The following KCNG3 variants were observed in gnomAD, a reference collection of about 807,000 sequenced individuals.
KCNG3 encodes potassium voltage-gated channel modifier subfamily G member 3.
KCNG3 carries 15 observed loss-of-function variants against 29.0 expected under a neutral mutation model. That is an observed-to-expected ratio of 0.52 (90% confidence interval 0.35 to 0.80). The LOEUF is 0.80. Ranked by LOEUF, KCNG3 falls within the 30% of genes least tolerant of loss-of-function variation. The pLI is 0.01. For synonymous variants in KCNG3, 322 were observed against 248.9 expected (o/e 1.29, Z -2.76); for missense variants, 512 against 605.7 (o/e 0.85, Z 1.62).
chr2:42,461,467 G>C (rs1558379812), intron 1 of KCNG3, among the ~76,000 whole-genome samples: 1 of 152,026 alleles, frequency 6.6e-6, no homozygotes, highest in Admixed American at 6.6e-5. Flanking sequence ...GTTTTCAGAA[G>C]ACTACCATGC....
chr2:42,485,294 C>T (rs1057005966), intron 1 of KCNG3, among the ~76,000 whole-genome samples: 9 of 151,996 alleles, frequency 5.9e-5, no homozygotes, highest in African/African-American at 2.2e-4. Flanking sequence ...ACTTTGCCTG[C>T]TAAAGAGATT....
At chr2:42,473,804 A>G (rs1673353565) in intron 1 of KCNG3, among the ~76,000 whole-genome samples, 1 of 152,220 alleles carries the variant, frequency 6.6e-6, no homozygotes, top group East Asian at 1.9e-4. Flanking sequence ...ATATTAGAAA[A>G]AAAAAATCTT....
chr2:42,404,532 C>T, the KCNG3 span, among the ~76,000 whole-genome samples: 1 of 152,144 alleles, frequency 6.6e-6, no homozygotes, highest in Admixed American at 6.6e-5. Flanking sequence ...GGTTTGAGAC[C>T]AGCCTGGGCA....
the KCNG3 span, among the ~76,000 whole-genome samples, chr2:42,395,313 G>A: frequency 6.6e-6 from 1 of 152,152 alleles, no homozygotes; most frequent in Non-Finnish European, 1.5e-5. Context: ...AAAACACACA[G>A]CACTCCCTTT....
the KCNG3 span, among the ~76,000 whole-genome samples, chr2:42,427,712 CATAA>C: frequency 6.6e-6 from 1 of 152,046 alleles, no homozygotes; most frequent in Non-Finnish European, 1.5e-5. Context: ...TTTATCTTTA[CATAA>C]ATAATTTAAA....
At chr2:42,463,576 A>T (rs1673070449) in intron 1 of KCNG3, 1 of 172,210 alleles carries the variant, frequency 5.8e-6, no homozygotes, top group Non-Finnish European at 1.2e-5. Flanking sequence ...CTCATAACCC[A>T]GCACCAGGGC....
the KCNG3 span, among the ~76,000 whole-genome samples, chr2:42,390,413 T>C: frequency 1.3e-5 from 2 of 152,320 alleles, no homozygotes; most frequent in South Asian, 4.1e-4. Context: ...ATTGGCTTCA[T>C]TTTCCGTAGC....
intron 1 of KCNG3, among the ~76,000 whole-genome samples, chr2:42,454,093 C>CAAAAAAAAA (rs11322972): frequency 7.4e-6 from 1 of 134,938 alleles, no homozygotes; most frequent in Non-Finnish European, 1.6e-5. Context: ...GCTACTATAC[C>CAAAAAAAAA]AAAAAAAAAA....
chr2:42,400,040 T>C, the KCNG3 span, among the ~76,000 whole-genome samples: 1 of 152,046 alleles, frequency 6.6e-6, no homozygotes, highest in African/African-American at 2.4e-5. Flanking sequence ...GCCTGGAAGG[T>C]CGCGGCTGCA....
At chr2:42,416,026 C>T in the KCNG3 span, among the ~76,000 whole-genome samples, 1 of 151,960 alleles carries the variant, frequency 6.6e-6, no homozygotes, top group Non-Finnish European at 1.5e-5. Context: ...GAAACTCCAT[C>T]TCCACTAAAA....
At position 42,444,711 on chromosome 2, in the gene KCNG3, C is replaced by T. The variant is rs534706974; in HGVS notation, c.666-132G>A. ...TCCAGAAAACATAAAGAACAGACAA[C>T]ATTAGCAACATCATCAGACCACCAG... On this transcript the variant is annotated intron_variant, in intron 1 of 1. Coordinates refer to ENST00000306078, the MANE Select transcript of KCNG3 (RefSeq NM_133329.6). The surrounding 1 kb of genome is among the most constrained non-coding windows in gnomAD (Gnocchi z 5.8). 5.3e-6 allele frequency: 4 copies of T among 760,038 alleles called. No homozygotes were observed. Among genetic ancestry groups the T allele is most frequent in the South Asian group, 3.8e-5 (2 of 52,384 alleles). 47.1% of individuals were successfully genotyped at this position (760,038 alleles called of 1,614,324 possible).
At chr2:42,457,595 C>G (rs1378065605) in intron 1 of KCNG3, among the ~76,000 whole-genome samples, 3 of 148,318 alleles carry the variant, frequency 2.0e-5, no homozygotes, top group Non-Finnish European at 3.0e-5. Flanking sequence ...GCCTGTAATC[C>G]TAGCACTTTG....
intron 1 of KCNG3, among the ~76,000 whole-genome samples, chr2:42,482,538 C>A (rs1436175267): frequency 6.6e-6 from 1 of 152,146 alleles, no homozygotes; most frequent in Admixed American, 6.5e-5. Context: ...GCCTAGCCAA[C>A]ACGGTGAAAC....
chr2:42,451,447 G>A (rs538371301), intron 1 of KCNG3, among the ~76,000 whole-genome samples: 73 of 151,454 alleles, frequency 4.8e-4, no homozygotes, highest in African/African-American at 1.7e-3. Flanking sequence ...GCAGGGGGCC[G>A]GGCACAGTGG....
chr2:42,462,477 T>A (rs1258205807), intron 1 of KCNG3, among the ~76,000 whole-genome samples: 1 of 151,868 alleles, frequency 6.6e-6, no homozygotes, highest in East Asian at 1.9e-4. Flanking sequence ...AGGTCAGGAG[T>A]TGGAGACCAG....
At chr2:42,409,412 A>ATT in the KCNG3 span, among the ~76,000 whole-genome samples, 4 of 151,960 alleles carry the variant, frequency 2.6e-5, no homozygotes, top group African/African-American at 9.7e-5. Flanking sequence ...CATTCAAAGC[A>ATT]TTTTTTTAAG....
chr2:42,390,599 C>T, the KCNG3 span, among the ~76,000 whole-genome samples: 46 of 152,298 alleles, frequency 3.0e-4, no homozygotes, highest in South Asian at 4.1e-3. Context: ...CCCAGGGAAA[C>T]AAGGCTGCTG....
the KCNG3 span, among the ~76,000 whole-genome samples, chr2:42,401,223 A>G: frequency 1.3e-5 from 2 of 149,924 alleles, no homozygotes; most frequent in African/African-American, 4.9e-5. Flanking sequence ...TATAATATAT[A>G]CACATATGAA....
the KCNG3 span, among the ~76,000 whole-genome samples, chr2:42,416,818 C>CAAAAAAA: frequency 1.1e-5 from 1 of 89,596 alleles, no homozygotes; most frequent in African/African-American, 4.3e-5. Context: ...TCCCCTGTCT[C>CAAAAAAA]AAAAAAAAAA....
Sources: allele counts gnomAD v4.1 joint callset (sites outside exome capture counted in the v4.1 genomes callset), GRCh38; gene constraint gnomAD v4.1.1; non-coding constraint Gnocchi (gnomAD v3.1); transcripts MANE v1.5; gene names NCBI Gene and HGNC (gene_info 2026-07-23, HGNC 2026-07-21).